The following THADA variants were observed in gnomAD, a reference collection of about 807,000 sequenced individuals.
THADA encodes the protein THADA armadillo repeat containing, also known as tRNA (32-2'-O)-methyltransferase regulator THADA.
Under a neutral mutation model 219.8 loss-of-function variants are expected in THADA, and 213 were observed. The ratio of observed to expected loss-of-function variants is 0.97; its 90% CI spans 0.87 to 1.09. The LOEUF is 1.09. Among genes scored for constraint, THADA ranks in the 50% least tolerant of loss-of-function variants. THADA has a pLI of 0.00. For synonymous variants in THADA, 1,018 were observed against 828.9 expected, an observed-to-expected ratio of 1.23 and a Z score of -3.92; for missense variants, 2,956 against 2,311.3, an observed-to-expected ratio of 1.28 and a Z score of -5.72.
intron 36 of THADA, among the ~76,000 whole-genome samples, chr2:43,254,211 TG>T (rs1670086684): frequency 6.6e-6 from 1 of 152,070 alleles, no homozygotes; most frequent in Admixed American, 6.5e-5. Context: ...ACACAGGACT[TG>T]GACTTGAATA....
At position 43,541,310 on chromosome 2, in the gene THADA, T is replaced by C; in HGVS notation, c.3113A>G (p.Glu1038Gly). Residue 1038 changes from glutamate to glycine, a missense_variant, in exon 21 of 38, where the codon GAA becomes GGA. Physicochemically the swap from Glu to Gly is moderately conservative, Grantham distance 98. Coordinates refer to ENST00000405975, the MANE Select transcript of THADA (RefSeq NM_022065.5). ...IDTSTEIKGK[E>G]VKTCDVTAQM... Reference sequence around the variant, plus strand: ...CGCAGTTACATCACATGTTTTTACTTCTTTACCTTAAACAAAAAAAAACAC... The same window carrying C: ...CGCAGTTACATCACATGTTTTTACTCCTTTACCTTAAACAAAAAAAAACAC... 6.2e-7 allele frequency: 1 copy of C among 1,612,776 alleles called. No homozygotes were observed. Among genetic ancestry groups the C allele is most frequent in the Non-Finnish European group, 8.5e-7 (1 of 1,179,512 alleles).
chr2:43,453,119 G>A (rs1017424536), intron 26 of THADA, among the ~76,000 whole-genome samples: 2 of 152,158 alleles, frequency 1.3e-5, no homozygotes, highest in Non-Finnish European at 2.9e-5. Flanking sequence ...CCAGGCAAAT[G>A]TTACACTCCC....
Position 43,590,825 on chromosome 2 carries a change from T to A in THADA, c.301A>T (p.Ser101Cys). 4 of 1,611,444 alleles carry A rather than the reference T, an allele frequency of 2.5e-6. No homozygotes were observed. Among genetic ancestry groups the A allele is most frequent in the Non-Finnish European group, 3.4e-6 (4 of 1,179,144 alleles). ...LKNPLKKVLA[S>C]SLNSLPDFFL... ...AACTTCCCTTCCTTTTTTTCTTACC[T>A]TGCCAATACTTTCTTCAAGGGATTC... The change falls in exon 4 of 38, where the codon AGC (serine) becomes TGC (cysteine). Residue 101 changes from serine (S) to cysteine (C), a missense_variant and splice_region_variant. Coordinates refer to ENST00000405975, the MANE Select transcript of THADA (RefSeq NM_022065.5).
chr2:43,578,375 G>A (rs995912415), intron 9 of THADA, 138 bp downstream of exon 9: 2 of 471,870 alleles, frequency 4.2e-6, no homozygotes, highest in African/African-American at 4.1e-5. Context: ...TCAAACTCCT[G>A]GCCTCAAGTG....
intron 29 of THADA, among the ~76,000 whole-genome samples, chr2:43,362,643 C>T (rs568986843): frequency 3.6e-4 from 54 of 151,886 alleles, no homozygotes; most frequent in South Asian, 6.3e-4. Context: ...TGTACACCAC[C>T]GTAGACTTTA....
At chr2:43,288,890 A>G (rs921404285) in intron 34 of THADA, among the ~76,000 whole-genome samples, 2 of 152,198 alleles carry the variant, frequency 1.3e-5, no homozygotes, top group African/African-American at 4.8e-5. Context: ...CACCACGGTC[A>G]ATTTCAGAAC....
At chr2:43,443,570 C>A (rs959306586) in intron 26 of THADA, among the ~76,000 whole-genome samples, 1 of 152,064 alleles carries the variant, frequency 6.6e-6, no homozygotes, top group Non-Finnish European at 1.5e-5. Context: ...GATCAAAAAC[C>A]AGCCTGGAAA....
intron 35 of THADA, 37 bp from the exon 36 acceptor site, chr2:43,279,933 G>A: frequency 6.8e-7 from 1 of 1,478,454 alleles, no homozygotes. Flanking sequence ...TACCTAGAAT[G>A]CAATTAACAG....
chr2:43,294,643 G>A (rs1379916769), intron 31 of THADA, among the ~76,000 whole-genome samples: 4 of 152,124 alleles, frequency 2.6e-5, no homozygotes, highest in South Asian at 2.1e-4. Context: ...TAAGGTCAGG[G>A]GCCCATTTTC....
At chr2:43,276,600 T>G (rs895333719) in intron 36 of THADA, among the ~76,000 whole-genome samples, 2 of 152,158 alleles carry the variant, frequency 1.3e-5, no homozygotes, top group African/African-American at 4.8e-5. Flanking sequence ...ACTAGATCTG[T>G]TAAGGAGCAC....
At chr2:43,336,801 A>C (rs1415593367) in intron 30 of THADA, among the ~76,000 whole-genome samples, 4 of 152,230 alleles carry the variant, frequency 2.6e-5, no homozygotes, top group Non-Finnish European at 5.9e-5. Context: ...CTGCTACTTA[A>C]TAAATGCCAA....
At chr2:43,287,183 T>C (rs1674134096) in intron 34 of THADA, 122 bp from the exon 35 acceptor site, 1 of 891,970 alleles carries the variant, frequency 1.1e-6, no homozygotes, top group African/African-American at 1.7e-5. Flanking sequence ...GGGAAGAAAG[T>C]TGTTTTTTAG....
At chr2:43,289,459 G>A (rs532079967) in intron 34 of THADA, among the ~76,000 whole-genome samples, 2 of 152,240 alleles carry the variant, frequency 1.3e-5, no homozygotes, top group African/African-American at 2.4e-5. Context: ...CCCCAGGAGC[G>A]TCTTTTATTT....
Position 43,398,134 on chromosome 2 carries a change from C to T in THADA, c.4064G>A (p.Gly1355Asp). The change falls in exon 29 of 38, where the codon GGT becomes GAT. Residue 1355 changes from glycine (G) to aspartate (D), a missense_variant. Coordinates refer to ENST00000405975, the MANE Select transcript of THADA (RefSeq NM_022065.5). Reference sequence around the variant, plus strand: ...ACGGGAGTGGTAGACAGGTGAGTGACCACACCTGGGGAGAAATAAAAACAC... The same window carrying T: ...ACGGGAGTGGTAGACAGGTGAGTGATCACACCTGGGGAGAAATAAAAACAC... ...GPFVPFIMRC[G>D]HSPVYHSREM... The T allele has an allele frequency of 1.9e-6, 3 of 1,613,580 alleles. No homozygotes were observed. The highest frequency in any genetic ancestry group is 2.5e-6 in the Non-Finnish European group (3 of 1,179,628).
intron 22 of THADA, among the ~76,000 whole-genome samples, chr2:43,509,995 G>A (rs1690193207): frequency 6.6e-6 from 1 of 152,024 alleles, no homozygotes; most frequent in South Asian, 2.1e-4. Flanking sequence ...AAGATTCAGA[G>A]ACATAACAAC....
chr2:43,514,081 A>C (rs1052486010), intron 22 of THADA, among the ~76,000 whole-genome samples: 26 of 151,774 alleles, frequency 1.7e-4, no homozygotes, highest in Non-Finnish European at 1.6e-4. Flanking sequence ...AAAAATAAAG[A>C]ACAAGAAATC....
chr2:43,511,365 G>A (rs1042465383), intron 22 of THADA, among the ~76,000 whole-genome samples: 8 of 152,248 alleles, frequency 5.3e-5, no homozygotes, highest in Non-Finnish European at 7.4e-5. Context: ...GAGTGAGCCC[G>A]CAGAGGCTGT....
At chr2:43,278,029 C>A (rs189063531) in intron 36 of THADA, among the ~76,000 whole-genome samples, 98 of 149,904 alleles carry the variant, frequency 6.5e-4, no homozygotes, top group African/African-American at 2.4e-3. Context: ...CAGCTCACTG[C>A]GACCTATGCC....
chr2:43,395,903 T>A (rs1017729438), intron 29 of THADA, among the ~76,000 whole-genome samples: 1 of 152,092 alleles, frequency 6.6e-6, no homozygotes, highest in South Asian at 2.1e-4. Context: ...ACTACAGGCG[T>A]GCACCACCAC....
Sources: gnomAD v4.1 joint callset for allele counts (sites outside exome capture counted in the v4.1 genomes callset) on GRCh38, gnomAD v4.1.1 for gene constraint, MANE v1.5 for transcripts, NCBI Gene and HGNC (gene_info 2026-07-23, HGNC 2026-07-21) for gene names.